N4BP2L1: variants seen among roughly 807,000 people sequenced by gnomAD.
N4BP2L1 encodes NEDD4 binding protein 2 like 1, also known as NEDD4-binding protein 2-like 1.
Under a neutral mutation model 21.2 loss-of-function variants are expected in N4BP2L1, and 12 were observed. The ratio of observed to expected loss-of-function variants is 0.57; its 90% confidence interval spans 0.36 to 0.92. The LOEUF is 0.92. Ranked by LOEUF, N4BP2L1 falls within the 40% of genes least tolerant of loss-of-function variation. The pLI is 0.01. For synonymous variants in N4BP2L1, 104 were observed against 112.8 expected (o/e 0.92, Z 0.49); for missense variants, 259 against 310.6 (o/e 0.83, Z 1.25).
At chr13:32,420,778 C>G (rs906298615) in intron 1 of N4BP2L1, among the ~76,000 whole-genome samples, 2 of 152,172 alleles carry the variant, frequency 1.3e-5, no homozygotes, top group Admixed American at 1.3e-4. Context: ...ACTGCAACTT[C>G]CACCTCCCAG....
At chr13:32,404,128 A>G in intron 4 of N4BP2L1, 193 bp downstream of exon 4, 1 of 1,592,594 alleles carries the variant, frequency 6.3e-7, no homozygotes. Context: ...AGCATTTAGC[A>G]TTATATTAGA....
rs143407969 is a variant in N4BP2L1, at chr13:32,421,637, G to A, written c.179+6267C>T. Among the ~76,000 whole-genome samples, 1,018 of 152,174 alleles carry A rather than the reference G, an allele frequency of 6.7e-3. 11 individuals carry two copies. The highest frequency in any genetic ancestry group is 0.011 in the Non-Finnish European group (730 of 68,006). ...AATAAGCCAGTGTCCAAAAAGGGCCGGGCAGACAGTCAGCAGTAACCATGT... is the reference window on the plus strand; with the variant it reads ...AATAAGCCAGTGTCCAAAAAGGGCCAGGCAGACAGTCAGCAGTAACCATGT... On this transcript the variant is annotated intron_variant, in intron 1 of 4. Transcript: ENST00000380130.
chr13:32,402,950 C>CA lies in N4BP2L1; in HGVS notation c.723dup (p.Gly242TrpfsTer37). The CA allele has an allele frequency of 6.3e-7, 1 of 1,599,744 alleles. No homozygotes were observed. Among genetic ancestry groups the CA allele is most frequent in the Non-Finnish European group, 8.5e-7 (1 of 1,170,690 alleles). On this transcript the variant is annotated frameshift_variant, in exon 5 of 5. Transcript: ENST00000380130. LOFTEE classifies it high-confidence loss of function. ...GGCTGTAAGATAGGCCTCTAATATC[C>CA]ATGGTGACAACCGCCCCTTCTGTGA... is the stretch of plus-strand genomic sequence containing the variant.
At chr13:32,407,161 G>T in intron 3 of N4BP2L1, 89 bp downstream of exon 3, 1 of 1,307,428 alleles carries the variant, frequency 7.6e-7, no homozygotes, top group East Asian at 2.3e-5. Context: ...ATGAAATCAT[G>T]GAACATCAGA....
At chr13:32,422,248 G>C (rs206331) in intron 1 of N4BP2L1, among the ~76,000 whole-genome samples, 40,313 of 151,864 alleles carry the variant, frequency 0.27, 5,841 homozygotes, top group South Asian at 0.4. Context: ...AACTTAGCCC[G>C]CTTATAAGGC....
At chr13:32,410,891 A>T (rs2073821244) in intron 1 of N4BP2L1, among the ~76,000 whole-genome samples, 1 of 151,200 alleles carries the variant, frequency 6.6e-6, no homozygotes, top group African/African-American at 2.4e-5. Context: ...ATCTGGTTTC[A>T]TTTGTTCTCC....
chr13:32,427,422 C>A (rs2074841187), intron 1 of N4BP2L1, among the ~76,000 whole-genome samples: 1 of 152,254 alleles, frequency 6.6e-6, no homozygotes, highest in African/African-American at 2.4e-5. Flanking sequence ...CGGCCGCCTG[C>A]GCGCCAGCGG....
At chr13:32,428,450 A>C, upstream of N4BP2L1, 1 of 177,396 alleles carries the variant, frequency 5.6e-6, no homozygotes, top group African/African-American at 2.4e-5. Context: ...GCCCTCCCCA[A>C]CCCCAGCCCC....
Position 32,402,631 on chromosome 13 carries a change from AAC to A in N4BP2L1, c.*309_*310del. 1 of 1,081,938 alleles carries A rather than the reference AAC, an allele frequency of 9.2e-7. No homozygotes were observed. The highest frequency in any genetic ancestry group is 1.1e-6 in the Non-Finnish European group (1 of 890,162). The allele number at this position is 1,081,938 out of a possible 1,614,324, so 67.0% of individuals were successfully genotyped here. A position where few individuals can be genotyped will look rare whatever the true frequency, so the allele number is the denominator to read the frequency against. Reference sequence around the variant, plus strand: ...GGTACTGAAGCTTATATATAATATAAACACTTTATTTCATCTATGAACCTATG... The same window carrying A: ...GGTACTGAAGCTTATATATAATATAAACTTTATTTCATCTATGAACCTATG... On this transcript the variant is annotated 3_prime_UTR_variant, in exon 5 of 5. Coordinates refer to ENST00000380130, the MANE Select transcript of N4BP2L1 (RefSeq NM_052818.3).
At chr13:32,427,617 C>T (rs969070579) in intron 1 of N4BP2L1, among the ~76,000 whole-genome samples, 6 of 151,922 alleles carry the variant, frequency 3.9e-5, no homozygotes, top group African/African-American at 1.4e-4. Flanking sequence ...GGGAATCCGT[C>T]CCCCCCGGGA....
intron 1 of N4BP2L1, chr13:32,425,308 G>C (rs1353369220): frequency 6.6e-6 from 1 of 152,262 alleles, no homozygotes. Flanking sequence ...GCTGAGCTGT[G>C]GCCCATTTCC....
At position 32,402,475 on chromosome 13, in the gene N4BP2L1, A is replaced by G. The variant is rs1270578494; in HGVS notation, c.*467T>C. ...AGTCGCACATCTCACATTTTTAGAT[A>G]CATAGATTATCAAAGTAGCAATGGC... On this transcript the variant is annotated 3_prime_UTR_variant, in exon 5 of 5. Transcript: ENST00000380130. The G allele has an allele frequency of 5.1e-6, 5 of 973,456 alleles. No homozygotes were observed. Among genetic ancestry groups the G allele is most frequent in the Non-Finnish European group, 6.1e-6 (5 of 820,934 alleles). 60.3% of individuals were successfully genotyped at this position (973,456 alleles called of 1,614,324 possible).
At chr13:32,428,153 T>C (rs1357444941), upstream of N4BP2L1, 1 of 1,353,246 alleles carries the variant, frequency 7.4e-7, no homozygotes, top group Non-Finnish European at 9.6e-7. Flanking sequence ...AAAGCTGTTG[T>C]TTTTGTGACT....
At chr13:32,414,054 G>GT (rs1409221913) in intron 1 of N4BP2L1, among the ~76,000 whole-genome samples, 1 of 151,830 alleles carries the variant, frequency 6.6e-6, no homozygotes, top group East Asian at 1.9e-4. Context: ...GCTAATTTTT[G>GT]TATTTTTAGT....
chr13:32,421,505 G>A (rs1359825972), intron 1 of N4BP2L1, among the ~76,000 whole-genome samples: 1 of 152,070 alleles, frequency 6.6e-6, no homozygotes, highest in Non-Finnish European at 1.5e-5. Context: ...AAGATCACTT[G>A]GTGTATTATG....
chr13:32,403,527 T>C (rs2073279915), intron 4 of N4BP2L1: 2 of 410,042 alleles, frequency 4.9e-6, no homozygotes, highest in South Asian at 4.4e-5. Context: ...CCTGTTAATG[T>C]CATGCATATA....
intron 1 of N4BP2L1, chr13:32,419,412 A>ATTTTTTTGTT (rs2074334392): frequency 3.8e-6 from 1 of 260,264 alleles, no homozygotes; most frequent in Non-Finnish European, 7.0e-6. Context: ...TGCTTGGCTA[A>ATTTTTTTGTT]TTTTTTTTTT....
intron 1 of N4BP2L1, chr13:32,419,334 C>T: frequency 2.5e-6 from 1 of 404,304 alleles, no homozygotes; most frequent in Non-Finnish European, 4.8e-6. Context: ...CAACCTACAT[C>T]TCTCGGGTTC....
In N4BP2L1 at chr13:32,427,898, C is replaced by T; in HGVS notation, c.179+6G>A. 3 of 1,488,588 alleles carry T rather than the reference C, an allele frequency of 2.0e-6. No individual in the cohort carries two copies. The highest frequency in any genetic ancestry group is 2.7e-6 in the Non-Finnish European group (3 of 1,118,952). 92.2% of individuals were successfully genotyped at this position (1,488,588 alleles called of 1,614,324 possible). On this transcript the variant is annotated splice_donor_region_variant and intron_variant, in intron 1 of 4. Transcript: ENST00000380130. ...CGTGCACCGGCGCCCAGACCGCTGT[C>T]ATTACCTGGCCAGTGTAGTTTTCCC...
Sources: allele counts gnomAD v4.1 joint callset (sites outside exome capture counted in the v4.1 genomes callset), GRCh38; gene constraint gnomAD v4.1.1; transcripts MANE v1.5; gene names NCBI Gene and HGNC (gene_info 2026-07-23, HGNC 2026-07-21).